Variants in MFSD11 observed in about 807,000 individuals in gnomAD.
The protein encoded by MFSD11 is UNC93-like protein MFSD11.
In MFSD11, 36 loss-of-function variants were observed where a neutral mutation model predicts 53.5. That is an observed-to-expected ratio of 0.67 (90% CI 0.52 to 0.89). The LOEUF is 0.89. Ranked by LOEUF, MFSD11 falls within the 40% of genes least tolerant of loss-of-function variation. MFSD11 has a pLI of 0.00. For synonymous variants in MFSD11, 186 were observed against 184.9 expected, an observed-to-expected ratio of 1.01 and a Z score of -0.05; for missense variants, 530 against 543.9, an observed-to-expected ratio of 0.97 and a Z score of 0.25.
At chr17:76,787,745 G>A in the MFSD11 span, among the ~76,000 whole-genome samples, 3 of 149,338 alleles carry the variant, frequency 2.0e-5, no homozygotes, top group African/African-American at 7.4e-5. Flanking sequence ...CCAAGAGGAT[G>A]CTAGAGAAAC....
At chr17:76,791,799 G>A in the MFSD11 span, among the ~76,000 whole-genome samples, 9 of 148,398 alleles carry the variant, frequency 6.1e-5, 1 homozygote, top group Admixed American at 6.0e-4. Context: ...GCAGAATGAA[G>A]CGCTTTGGGT....
intron 10 of MFSD11, among the ~76,000 whole-genome samples, chr17:76,770,236 C>T (rs1226314679): frequency 6.6e-6 from 1 of 151,926 alleles, no homozygotes; most frequent in Admixed American, 6.6e-5. Flanking sequence ...GACGGGGTTT[C>T]ACCGCATTAG....
At chr17:76,746,311 G>A (rs1000311884) in intron 7 of MFSD11, among the ~76,000 whole-genome samples, 6 of 152,174 alleles carry the variant, frequency 3.9e-5, no homozygotes, top group East Asian at 1.9e-4. Context: ...AGGTTGGTTC[G>A]TGAGGATCAA....
Position 76,742,336 on chromosome 17 carries a change from T to C in MFSD11, c.437+63T>C, listed in dbSNP as rs878896726. The C allele has an allele frequency of 3.9e-5, 54 of 1,397,290 alleles. 3 individuals are homozygous for C. The South Asian group carries it at 6.5e-4, about 17-fold the overall frequency. The allele number at this position is 1,397,290 out of a possible 1,614,324, so 86.6% of individuals were successfully genotyped here. On this transcript the variant is annotated intron_variant, in intron 5 of 12. Coordinates refer to ENST00000685175, the MANE Select transcript of MFSD11 (RefSeq NM_001242532.5). ...TCTTTTTTTTCTGTCATACCATTTTTTAGGTCTTTGGTTGACAATTTGGAT... is the reference window on the plus strand; with the variant it reads ...TCTTTTTTTTCTGTCATACCATTTTCTAGGTCTTTGGTTGACAATTTGGAT...
At chr17:76,754,287 T>G (rs369902454) in intron 8 of MFSD11, 200 bp downstream of exon 8, 1 of 531,228 alleles carries the variant, frequency 1.9e-6, no homozygotes, top group Non-Finnish European at 3.4e-6. Flanking sequence ...ATGGTATGAC[T>G]GCCCACCTGC....
At chr17:76,737,321 G>A (rs3744061), upstream of MFSD11, 505,257 of 973,052 alleles carry the variant, frequency 0.52, 138,841 homozygotes, top group Non-Finnish European at 0.57. Context: ...TAGCGCACCT[G>A]AGTAACAACT....
In MFSD11 at chr17:76,770,057, A is replaced by T. The variant is rs1267759421; in HGVS notation, c.874+186A>T. ...TTTTTTTTTTTTTTTTTCCAGACAG[A>T]GTCTCGCTCTGTCGCCGAGGCTAGA... is the stretch of plus-strand genomic sequence containing the variant. On this transcript the variant is annotated intron_variant, in intron 10 of 12. Coordinates refer to ENST00000685175, the MANE Select transcript of MFSD11 (RefSeq NM_001242532.5). Among the ~76,000 whole-genome samples, 11 of 120,590 alleles carry T rather than the reference A, an allele frequency of 9.1e-5. No homozygotes were observed. In the East Asian group the frequency reaches 6.0e-3, roughly 65 times the overall value. The allele number at this position is 120,590 out of a possible 152,430, so 79.1% of individuals were successfully genotyped here. A position where few individuals can be genotyped will look rare whatever the true frequency, so the allele number is the denominator to read the frequency against.
upstream of MFSD11, chr17:76,737,332 G>T: frequency 2.3e-6 from 2 of 867,184 alleles, no homozygotes; most frequent in Non-Finnish European, 3.4e-6. Flanking sequence ...AGTAACAACT[G>T]GGCGGGCAGC....
intron 8 of MFSD11, among the ~76,000 whole-genome samples, chr17:76,758,851 A>C (rs562619534): frequency 2.6e-5 from 4 of 152,214 alleles, no homozygotes; most frequent in South Asian, 2.1e-4. Flanking sequence ...CCTACCCCCC[A>C]CACACAGTTG....
chr17:76,775,411 G>A (rs1384066768), intron 11 of MFSD11, among the ~76,000 whole-genome samples: 1 of 152,254 alleles, frequency 6.6e-6, no homozygotes, highest in East Asian at 1.9e-4. Flanking sequence ...GATCCTTGAA[G>A]GAGCACGTAA....
At chr17:76,749,451 C>G (rs1255470182) in intron 7 of MFSD11, among the ~76,000 whole-genome samples, 1 of 151,916 alleles carries the variant, frequency 6.6e-6, no homozygotes, top group Non-Finnish European at 1.5e-5. Context: ...ATCGCTTACG[C>G]CCAGGACGCG....
the MFSD11 span, among the ~76,000 whole-genome samples, chr17:76,792,652 A>G: frequency 6.6e-6 from 1 of 151,414 alleles, no homozygotes; most frequent in East Asian, 1.9e-4. Context: ...TGTTAGTTCC[A>G]TGGTAACGGG....
downstream of MFSD11, among the ~76,000 whole-genome samples, chr17:76,785,910 G>A (rs1385948875): frequency 1.3e-5 from 2 of 151,678 alleles, no homozygotes; most frequent in Admixed American, 1.3e-4. Flanking sequence ...CTGAAATCTT[G>A]TTTCTTAAAA....
At chr17:76,770,123 C>T (rs1186138865) in intron 10 of MFSD11, among the ~76,000 whole-genome samples, 3 of 151,032 alleles carry the variant, frequency 2.0e-5, no homozygotes, top group South Asian at 2.1e-4. Flanking sequence ...CTGCAAGCTC[C>T]GCCTCCCGGG....
upstream of MFSD11, chr17:76,736,703 G>T (rs151217137): frequency 4.2e-3 from 5,544 of 1,327,108 alleles, 14 homozygotes; most frequent in Non-Finnish European, 4.8e-3. Flanking sequence ...CCCCGTCCGG[G>T]CCCGCACCAC....
the MFSD11 span, among the ~76,000 whole-genome samples, chr17:76,791,170 A>G: frequency 1.3e-5 from 2 of 148,650 alleles, no homozygotes; most frequent in Admixed American, 6.7e-5. Flanking sequence ...CTGCTATTAA[A>G]TCTGGAAGTT....
chr17:76,745,496 CT>C (rs1334093358), intron 7 of MFSD11: 3 of 152,228 alleles, frequency 2.0e-5, no homozygotes, highest in Non-Finnish European at 4.4e-5. Context: ...TTGTGTCTCT[CT>C]GTCACATTTT....
At chr17:76,786,526 G>A in the MFSD11 span, among the ~76,000 whole-genome samples, 7 of 152,078 alleles carry the variant, frequency 4.6e-5, no homozygotes, top group Non-Finnish European at 7.4e-5. Flanking sequence ...GTCAGAATGC[G>A]CAGCTGGGTC....
chr17:76,757,732 C>T (rs137924431), intron 8 of MFSD11, among the ~76,000 whole-genome samples: 18 of 152,170 alleles, frequency 1.2e-4, no homozygotes, highest in African/African-American at 2.6e-4. Context: ...GTTCTCAGGC[C>T]GGGCACGGTG....
Sources: gnomAD v4.1 joint callset for allele counts (sites outside exome capture counted in the v4.1 genomes callset) on GRCh38, gnomAD v4.1.1 for gene constraint, MANE v1.5 for transcripts, NCBI Gene and HGNC (gene_info 2026-07-23, HGNC 2026-07-21) for gene names.